Variants in FILIP1 observed in about 807,000 individuals in gnomAD.
FILIP1 encodes filamin-A-interacting protein 1.
FILIP1 carries 61 observed loss-of-function variants against 102.1 expected under a neutral mutation model. That is an observed-to-expected ratio of 0.60 (90% CI 0.49 to 0.74). The LOEUF (loss-of-function observed/expected upper bound fraction) is 0.74. Among genes scored for constraint, FILIP1 ranks in the 30% least tolerant of loss-of-function variants. The pLI is 0.00. For synonymous variants in FILIP1, 491 were observed against 526.9 expected, an observed-to-expected ratio of 0.93 and a Z score of 0.93; for missense variants, 1,314 against 1,441.2, an observed-to-expected ratio of 0.91 and a Z score of 1.43.
intron 1 of FILIP1, 42 bp downstream of exon 1, chr6:75,493,372 A>C (rs1025265245): frequency 6.6e-6 from 1 of 152,214 alleles, no homozygotes; most frequent in African/African-American, 2.4e-5. Context: ...GTGGAAACAG[A>C]TATTTCTTAA....
intron 1 of FILIP1, among the ~76,000 whole-genome samples, chr6:75,437,304 T>A (rs897083549): frequency 6.6e-6 from 1 of 152,250 alleles, no homozygotes; most frequent in African/African-American, 2.4e-5. Flanking sequence ...GGAGAAAATA[T>A]GTGAGTTTGT....
At chr6:75,353,774 TAAATAATTTGTTGAC>T in intron 3 of FILIP1, 57 bp from the exon 4 acceptor site, 1 of 1,558,762 alleles carries the variant, frequency 6.4e-7, no homozygotes, top group East Asian at 2.2e-5. Flanking sequence ...CATAGGACTC[TAAATAATTTGTTGAC>T]ATGGGTCTAG....
chr6:75,369,596 A>G (rs1339066859), intron 2 of FILIP1, among the ~76,000 whole-genome samples: 1 of 151,700 alleles, frequency 6.6e-6, no homozygotes, highest in African/African-American at 2.4e-5. Context: ...AAAAAAAAAC[A>G]TAATGAGTAG....
At chr6:75,380,525 T>A (rs539962184) in intron 2 of FILIP1, among the ~76,000 whole-genome samples, 155 of 152,282 alleles carry the variant, frequency 1.0e-3, no homozygotes, top group African/African-American at 3.5e-3. Context: ...CATAATTTTG[T>A]TGGGAAGACA....
rs746802376 is a variant in FILIP1 at position 75,314,100 on chromosome 6, T to C, written c.1732A>G (p.Lys578Glu). The change falls in exon 5 of 6, where the codon AAA becomes GAA. Residue 578 changes from lysine to glutamate, a missense_variant. Lys to Glu is a moderately conservative substitution (Grantham distance 56). This residue lies in a region of FILIP1 where 816 missense variants were observed against 913.1 expected (regional missense o/e 0.89). Coordinates refer to ENST00000237172, the MANE Select transcript of FILIP1 (RefSeq NM_015687.5). ...GATTTTTCTTCTTCACTTTTCAATT[T>C]GCCTATCAACTCATCTCTTTCTCTT... ...LTRERDELIG[K>E]LKSEEEKSSE... The C allele has an allele frequency of 6.6e-7, 1 of 1,504,902 alleles. No individual in the cohort carries two copies. Among genetic ancestry groups the C allele is most frequent in the Admixed American group, 2.5e-5 (1 of 39,276 alleles). 93.2% of individuals were successfully genotyped at this position (1,504,902 alleles called of 1,614,324 possible). A position where few individuals can be genotyped will look rare whatever the true frequency, so the allele number is the denominator to read the frequency against.
chr6:75,301,223 C>A (rs1198795503), intron 6 of FILIP1, among the ~76,000 whole-genome samples: 1 of 152,148 alleles, frequency 6.6e-6, no homozygotes, highest in African/African-American at 2.4e-5. Context: ...AGAACTTTTT[C>A]ACAGTTTCTA....
intron 1 of FILIP1, among the ~76,000 whole-genome samples, chr6:75,439,391 G>A (rs1471949759): frequency 1.3e-5 from 2 of 151,894 alleles, no homozygotes; most frequent in East Asian, 3.9e-4. Flanking sequence ...TAAATGGATT[G>A]TAAGAAAATA....
downstream of FILIP1, among the ~76,000 whole-genome samples, chr6:75,307,104 C>T (rs1158060008): frequency 6.6e-6 from 1 of 152,136 alleles, no homozygotes; most frequent in Non-Finnish European, 1.5e-5. Flanking sequence ...TGCCTAGCTA[C>T]TCAACATTTT....
At chr6:75,348,062 T>TACACACACACACACACACACAC (rs148284986) in intron 4 of FILIP1, among the ~76,000 whole-genome samples, 12 of 147,376 alleles carry the variant, frequency 8.1e-5, no homozygotes, top group African/African-American at 2.5e-4. Context: ...ACATCAGTTA[T>TACACACACACACACACACACAC]ACACACACAC....
intron 2 of FILIP1, among the ~76,000 whole-genome samples, chr6:75,374,478 A>G (rs895921777): frequency 5.3e-5 from 8 of 152,138 alleles, no homozygotes; most frequent in Non-Finnish European, 8.8e-5. Context: ...TCCCAGGTTC[A>G]AGCAATTCTC....
intron 1 of FILIP1, among the ~76,000 whole-genome samples, chr6:75,422,936 T>A (rs1046096895): frequency 6.6e-6 from 1 of 152,164 alleles, no homozygotes; most frequent in Non-Finnish European, 1.5e-5. Context: ...ATTTTCTTAT[T>A]CGAGTTCAAA....
At chr6:75,368,234 A>G (rs189109679) in intron 2 of FILIP1, among the ~76,000 whole-genome samples, 1 of 152,296 alleles carries the variant, frequency 6.6e-6, no homozygotes, top group East Asian at 1.9e-4. Flanking sequence ...CTGGCTGGAT[A>G]AGAAGCTGAT....
intron 6 of FILIP1, among the ~76,000 whole-genome samples, chr6:75,303,022 G>C (rs1772885830): frequency 6.6e-6 from 1 of 152,128 alleles, no homozygotes; most frequent in African/African-American, 2.4e-5. Context: ...AGGGGAAATG[G>C]AGAGGAGGAG....
intron 2 of FILIP1, among the ~76,000 whole-genome samples, chr6:75,409,271 C>A (rs1225668743): frequency 6.6e-6 from 1 of 152,084 alleles, no homozygotes; most frequent in Admixed American, 6.5e-5. Context: ...GGGCAAGTCA[C>A]AAAACTCATA....
At position 75,414,804 on chromosome 6, in the gene FILIP1, G is replaced by A. The variant is rs779350691; in HGVS notation, c.169C>T (p.Arg57Ter). The A allele has an allele frequency of 5.0e-6, 8 of 1,613,670 alleles. No homozygotes were observed. The highest frequency in any genetic ancestry group is 6.8e-6 in the Non-Finnish European group (8 of 1,179,832). ...DDVMASGTVK[R>*]HLKTSGECER... The stretch of plus-strand genomic sequence containing the variant: ...CATTCTCCAGATGTTTTTAGGTGTC[G>A]TTTGACAGTTCCTGAGGCCATGACA... Residue 57 changes from arginine (R) to a stop codon, truncating the protein, a stop_gained, in exon 2 of 6, where the codon CGA (arginine) becomes TGA (stop). Transcript: ENST00000237172. LOFTEE classifies it high-confidence loss of function.
chr6:75,444,790 G>T (rs1305961885), intron 1 of FILIP1, among the ~76,000 whole-genome samples: 1 of 152,152 alleles, frequency 6.6e-6, no homozygotes. Context: ...TACTGCTCCT[G>T]TGTATATGTG....
chr6:75,323,545 G>C (rs1773732452), intron 4 of FILIP1, among the ~76,000 whole-genome samples: 1 of 152,218 alleles, frequency 6.6e-6, no homozygotes, highest in South Asian at 2.1e-4. Context: ...GGAAGGTAAA[G>C]AGAAGGGAGC....
chr6:75,312,374 G>C (rs9343281), intron 5 of FILIP1, 23 bp downstream of exon 5: 1,114,883 of 1,597,906 alleles, frequency 0.7, 390,947 homozygotes, highest in African/African-American at 0.82. Flanking sequence ...GCAGGCCTGC[G>C]CTTTGGAGCC....
chr6:75,355,459 C>T (rs1188973426), intron 3 of FILIP1, among the ~76,000 whole-genome samples: 2 of 149,374 alleles, frequency 1.3e-5, no homozygotes, highest in African/African-American at 2.5e-5. Context: ...AGTGGCACGA[C>T]CACGACCTCT....
Sources: gnomAD v4.1 joint callset for allele counts (sites outside exome capture counted in the v4.1 genomes callset) on GRCh38, gnomAD v4.1.1 for gene constraint, gnomAD v4.1.1 regional missense constraint, MANE v1.5 for transcripts, NCBI Gene and HGNC (gene_info 2026-07-23, HGNC 2026-07-21) for gene names.